THSD7B: variants seen among roughly 807,000 people sequenced by gnomAD.
THSD7B encodes thrombospondin type 1 domain containing 7B.
THSD7B carries 138 observed loss-of-function variants against 213.6 expected under a neutral mutation model. The ratio of observed to expected loss-of-function variants is 0.65; its 90% confidence interval spans 0.56 to 0.74. The LOEUF (loss-of-function observed/expected upper bound fraction) is 0.74. THSD7B is among the 30% of genes least tolerant of loss of function. THSD7B has a pLI of 0.00. For missense variants in THSD7B, 1,931 were observed against 1,991.5 expected (o/e 0.97, Z 0.58); for synonymous variants, 742 against 687.0 (o/e 1.08, Z -1.25).
At chr2:137,430,722 T>G (rs1687160540) in intron 14 of THSD7B, among the ~76,000 whole-genome samples, 1 of 152,176 alleles carries the variant, frequency 6.6e-6, no homozygotes, top group Non-Finnish European at 1.5e-5. Context: ...GACTTCAAGG[T>G]TGAGGCTGGA....
At chr2:136,798,140 A>T (rs1192636224) in intron 1 of THSD7B, among the ~76,000 whole-genome samples, 3 of 151,824 alleles carry the variant, frequency 2.0e-5, no homozygotes, top group African/African-American at 7.3e-5. Context: ...CTCTAAAATT[A>T]TACCTTTTAT....
chr2:137,193,564 T>C (rs960231148), intron 7 of THSD7B, among the ~76,000 whole-genome samples: 5 of 152,080 alleles, frequency 3.3e-5, no homozygotes, highest in Non-Finnish European at 5.9e-5. Flanking sequence ...AGAAAGCTTC[T>C]TGAGATAGTA....
At chr2:136,807,623 C>A (rs1682306672) in intron 1 of THSD7B, among the ~76,000 whole-genome samples, 1 of 149,130 alleles carries the variant, frequency 6.7e-6, no homozygotes, top group South Asian at 2.1e-4. Context: ...TCTCCTGCCT[C>A]AGCCTCCCAA....
chr2:137,286,850 G>T lies in THSD7B; in HGVS notation c.2500+10824G>T, dbSNP rs369596466. The stretch of plus-strand genomic sequence containing the variant: ...AGAGCAACTGTAGCCTAGCCCAGGT[G>T]CCCCTTCCATAAATGTAACTGTATT... On this transcript the variant is annotated intron_variant, in intron 12 of 27. Coordinates refer to ENST00000409968, the MANE Select transcript of THSD7B (RefSeq NM_001316349.2). Among the ~76,000 whole-genome samples, 9 of 152,242 alleles carry T rather than the reference G, an allele frequency of 5.9e-5. No individual in the cohort carries two copies. The East Asian group carries it at 9.7e-4, about 16-fold the overall frequency.
intron 12 of THSD7B, among the ~76,000 whole-genome samples, chr2:137,346,975 A>T (rs186299991): frequency 6.6e-6 from 1 of 151,772 alleles, no homozygotes; most frequent in African/African-American, 2.4e-5. Context: ...ATATAGTTCT[A>T]TGTTTAACTT....
At chr2:137,281,791 T>C (rs1014457270) in intron 12 of THSD7B, among the ~76,000 whole-genome samples, 1 of 152,198 alleles carries the variant, frequency 6.6e-6, no homozygotes, top group Non-Finnish European at 1.5e-5. Flanking sequence ...ATTTTCTTAA[T>C]CCAGTCTATC....
chr2:137,174,685 T>C (rs1680325992), intron 7 of THSD7B, among the ~76,000 whole-genome samples: 1 of 152,186 alleles, frequency 6.6e-6, no homozygotes, highest in African/African-American at 2.4e-5. Context: ...TTTCAAGAGG[T>C]AAATTGCTTA....
intron 8 of THSD7B, 44 bp downstream of exon 8, chr2:137,231,279 T>A: frequency 6.5e-7 from 1 of 1,527,904 alleles, no homozygotes; most frequent in South Asian, 1.2e-5. Context: ...ATTAGCCCAA[T>A]TATTATCATT....
intron 12 of THSD7B, among the ~76,000 whole-genome samples, chr2:137,324,727 G>T (rs538711297): frequency 1.4e-4 from 21 of 152,142 alleles, no homozygotes; most frequent in Middle Eastern, 3.2e-3. Flanking sequence ...AAATTGTTTT[G>T]TGTAAATCAA....
intron 12 of THSD7B, among the ~76,000 whole-genome samples, chr2:137,395,894 G>A (rs1282206871): frequency 2.0e-5 from 3 of 150,746 alleles, no homozygotes; most frequent in Middle Eastern, 3.4e-3. Context: ...AGTCTTGGGA[G>A]AGTGTATGTG....
chr2:137,470,134 A>C (rs1688065011), intron 15 of THSD7B, among the ~76,000 whole-genome samples: 1 of 152,210 alleles, frequency 6.6e-6, no homozygotes, highest in Non-Finnish European at 1.5e-5. Flanking sequence ...ATAGAAGCAG[A>C]AGAGTTTTAT....
intron 9 of THSD7B, among the ~76,000 whole-genome samples, chr2:137,237,607 C>T (rs989676149): frequency 1.3e-5 from 2 of 152,182 alleles, no homozygotes; most frequent in African/African-American, 4.8e-5. Context: ...ATCAGCACCC[C>T]AAAAGTTATC....
intron 2 of THSD7B, among the ~76,000 whole-genome samples, chr2:137,035,149 G>A (rs533206381): frequency 1.1e-4 from 17 of 152,186 alleles, no homozygotes; most frequent in African/African-American, 2.2e-4. Flanking sequence ...GAACTTTATC[G>A]TTTCCCTTTT....
At chr2:136,886,374 A>G (rs1182166537) in intron 2 of THSD7B, among the ~76,000 whole-genome samples, 5 of 152,054 alleles carry the variant, frequency 3.3e-5, no homozygotes, top group Admixed American at 2.0e-4. Flanking sequence ...GCTACTGCAG[A>G]ATTAAAGGGA....
At chr2:137,192,674 C>A (rs1056258255) in intron 7 of THSD7B, among the ~76,000 whole-genome samples, 1 of 152,076 alleles carries the variant, frequency 6.6e-6, no homozygotes, top group Non-Finnish European at 1.5e-5. Context: ...TTACACACTA[C>A]CTTTATGCAT....
chr2:137,220,082 T>C (rs1307533373), intron 7 of THSD7B, among the ~76,000 whole-genome samples: 1 of 152,190 alleles, frequency 6.6e-6, no homozygotes, highest in African/African-American at 2.4e-5. Context: ...CTCTCTTTTT[T>C]TGTGTGTGTG....
At chr2:136,830,899 C>A (rs540037405) in intron 1 of THSD7B, among the ~76,000 whole-genome samples, 8 of 152,110 alleles carry the variant, frequency 5.3e-5, no homozygotes, top group Non-Finnish European at 1.2e-4. Flanking sequence ...ATAAGTGATC[C>A]ATAAATCCCC....
chr2:136,803,169 G>T (rs1456123038), intron 1 of THSD7B, among the ~76,000 whole-genome samples: 1 of 151,758 alleles, frequency 6.6e-6, no homozygotes. Context: ...ACACACACAT[G>T]CACATATATA....
In THSD7B at chr2:137,592,156, T is replaced by C. The variant is rs186156819; in HGVS notation, c.3423+19600T>C. Among the ~76,000 whole-genome samples the C allele has an allele frequency of 4.5e-4, 68 of 151,962 alleles. 1 individual carries two copies. Among genetic ancestry groups the C allele is most frequent in the Admixed American group, 7.2e-4 (11 of 15,242 alleles). On this transcript the variant is annotated intron_variant, in intron 17 of 27. Coordinates refer to ENST00000409968, the MANE Select transcript of THSD7B (RefSeq NM_001316349.2). ...AGTAATTTAATATTACTACTGATTA[T>C]GTTTTATTTTTATTAAAAAACTTAA...
Sources: gnomAD v4.1 joint callset for allele counts (sites outside exome capture counted in the v4.1 genomes callset) on GRCh38, gnomAD v4.1.1 for gene constraint, MANE v1.5 for transcripts, NCBI Gene and HGNC (gene_info 2026-07-23, HGNC 2026-07-21) for gene names.